NT5E: variants seen among roughly 807,000 people sequenced by gnomAD.
The protein encoded by NT5E is 5'-nucleotidase.
NT5E carries 53 observed loss-of-function variants against 55.1 expected under a neutral mutation model. The observed-to-expected ratio is 0.96, with a 90% CI of 0.77 to 1.21. The LOEUF (loss-of-function observed/expected upper bound fraction) is 1.21. Among genes scored for constraint, NT5E ranks in the 50% most tolerant of loss-of-function variants. The pLI is 0.00. For missense variants in NT5E, 683 were observed against 724.3 expected, an observed-to-expected ratio of 0.94 and a Z score of 0.65; for synonymous variants, 270 against 278.4, an observed-to-expected ratio of 0.97 and a Z score of 0.30.
intron 1 of NT5E, among the ~76,000 whole-genome samples, chr6:85,452,241 G>A (rs534246965): frequency 2.0e-5 from 3 of 152,268 alleles, no homozygotes; most frequent in South Asian, 4.1e-4. Context: ...TATAAACCAC[G>A]ACTTTGTAAA....
rs759707821 is a variant in NT5E at position 85,467,240 on chromosome 6, G to A, written c.520G>A (p.Val174Ile). 141 of 1,614,086 alleles carry A rather than the reference G, an allele frequency of 8.7e-5. No homozygotes were observed. Among genetic ancestry groups the A allele is most frequent in the South Asian group, 1.8e-4 (16 of 91,074 alleles). ...LPVGDEVVGI[V>I]GYTSKETPFL... ...TGTTGGTGATGAAGTTGTGGGAATCGTTGGATACACTTCCAAAGAAACCCC... is the reference window on the plus strand; with the variant it reads ...TGTTGGTGATGAAGTTGTGGGAATCATTGGATACACTTCCAAAGAAACCCC... The change falls in exon 2 of 9, where the codon GTT becomes ATT. Residue 174 changes from valine (V) to isoleucine (I), a missense_variant. Physicochemically the swap from Val to Ile is conservative, Grantham distance 29. Transcript: ENST00000257770.
chr6:85,485,695 A>C (rs1769639573), intron 4 of NT5E, among the ~76,000 whole-genome samples: 1 of 152,210 alleles, frequency 6.6e-6, no homozygotes, highest in African/African-American at 2.4e-5. Context: ...CTTGATCCTG[A>C]CATGCCAAAG....
intron 1 of NT5E, among the ~76,000 whole-genome samples, chr6:85,457,155 G>A (rs1769006663): frequency 6.6e-6 from 1 of 152,284 alleles, no homozygotes; most frequent in South Asian, 2.1e-4. Context: ...TCCGCTTACC[G>A]CTGACAGCTG....
intron 3 of NT5E, among the ~76,000 whole-genome samples, chr6:85,484,619 G>A: frequency 1.3e-5 from 2 of 152,252 alleles, no homozygotes; most frequent in East Asian, 3.9e-4. Flanking sequence ...AGCAGCAAAC[G>A]CCAAGAACAG....
At position 85,492,001 on chromosome 6, in the gene NT5E, C is replaced by T. The variant is rs751789444; in HGVS notation, c.1385C>T (p.Ser462Phe). 1 of 1,614,060 alleles carries T rather than the reference C, an allele frequency of 6.2e-7. No individual in the cohort carries two copies. Among genetic ancestry groups the T allele is most frequent in the Non-Finnish European group, 8.5e-7 (1 of 1,179,950 alleles). Residue 462 changes from serine to phenylalanine, a missense_variant, in exon 8 of 9, where the codon TCC becomes TTC. Transcript: ENST00000257770. The stretch of plus-strand genomic sequence containing the variant: ...GGAATCCATGTGGTGTATGATCTTT[C>T]CCGAAAACCTGGAGACAGAGTAGTC... ...VGGIHVVYDL[S>F]RKPGDRVVKL... is the part of the protein sequence containing the mutation.
At chr6:85,457,950 G>A (rs1403998439) in intron 1 of NT5E, among the ~76,000 whole-genome samples, 1 of 152,144 alleles carries the variant, frequency 6.6e-6, no homozygotes, top group Non-Finnish European at 1.5e-5. Context: ...TAACACCCAT[G>A]CATGGGGATT....
chr6:85,489,229 C>A (rs1323479398), intron 5 of NT5E, among the ~76,000 whole-genome samples: 2 of 152,152 alleles, frequency 1.3e-5, no homozygotes, highest in Non-Finnish European at 2.9e-5. Flanking sequence ...GGGCTACAAC[C>A]GAGAGACCAT....
At chr6:85,451,678 G>A (rs967115742) in intron 1 of NT5E, among the ~76,000 whole-genome samples, 1 of 152,198 alleles carries the variant, frequency 6.6e-6, no homozygotes, top group Non-Finnish European at 1.5e-5. Flanking sequence ...CCACAAGTGT[G>A]GAAGGGAAAG....
chr6:85,484,987 A>T (rs1769619741), intron 3 of NT5E, among the ~76,000 whole-genome samples: 1 of 152,190 alleles, frequency 6.6e-6, no homozygotes, highest in Admixed American at 6.5e-5. Context: ...CAGCACAAGC[A>T]CAATGCCCGG....
chr6:85,477,487 A>G (rs1017474680), intron 3 of NT5E, among the ~76,000 whole-genome samples: 7 of 152,198 alleles, frequency 4.6e-5, no homozygotes, highest in African/African-American at 1.7e-4. Flanking sequence ...TTGCAATATA[A>G]TTATAACTAA....
At chr6:85,479,569 T>C (rs889505961) in intron 3 of NT5E, among the ~76,000 whole-genome samples, 2 of 152,164 alleles carry the variant, frequency 1.3e-5, no homozygotes, top group African/African-American at 4.8e-5. Context: ...ACACACAGCC[T>C]TTCACACAGC....
intron 3 of NT5E, among the ~76,000 whole-genome samples, chr6:85,473,448 G>A (rs1769358811): frequency 6.6e-6 from 1 of 152,142 alleles, no homozygotes; most frequent in African/African-American, 2.4e-5. Flanking sequence ...GCTTTTCACT[G>A]AGGCAGTGTC....
Position 85,493,849 on chromosome 6 carries a change from G to T in NT5E, c.1570G>T (p.Asp524Tyr), listed in dbSNP as rs777310796. ...TGTATATGTTTTTCTAGGTGACCAA[G>T]ATATCAACGTGGTTTCTACATATAT... ...ELLRHDSGDQDINVVSTYISK... is the reference protein window; with the variant it reads ...ELLRHDSGDQYINVVSTYISK... Residue 524 changes from aspartate (D) to tyrosine (Y), a missense_variant, in exon 9 of 9, where the codon GAT (aspartate) becomes TAT (tyrosine). By Grantham distance (160) the Asp-to-Tyr change is radical. Transcript: ENST00000257770. 1 of 1,613,270 alleles carries T rather than the reference G, an allele frequency of 6.2e-7. No individual in the cohort carries two copies. The highest frequency in any genetic ancestry group is 8.5e-7 in the Non-Finnish European group (1 of 1,179,310).
intron 2 of NT5E, among the ~76,000 whole-genome samples, chr6:85,470,092 C>T (rs574842046): frequency 8.5e-5 from 13 of 152,318 alleles, no homozygotes; most frequent in African/African-American, 1.4e-4. Context: ...AGTGTAAGAA[C>T]GTCTGGATCT....
intron 3 of NT5E, among the ~76,000 whole-genome samples, chr6:85,478,026 C>CAAA (rs11433942): frequency 2.9e-5 from 3 of 102,064 alleles, no homozygotes; most frequent in Non-Finnish European, 4.6e-5. Context: ...GACCTTGTCT[C>CAAA]AAAAAAAAAA....
intron 1 of NT5E, among the ~76,000 whole-genome samples, chr6:85,466,785 T>C (rs1769203257): frequency 6.6e-6 from 1 of 152,144 alleles, no homozygotes; most frequent in South Asian, 2.1e-4. Flanking sequence ...CATTCAAACC[T>C]GCCCCCAATC....
chr6:85,451,414 G>GTTTC, intron 1 of NT5E, among the ~76,000 whole-genome samples: 1 of 152,098 alleles, frequency 6.6e-6, no homozygotes. Flanking sequence ...TAGGTTAAAG[G>GTTTC]TAATGCCTTT....
chr6:85,460,930 C>T (rs996790177), intron 1 of NT5E, among the ~76,000 whole-genome samples: 1 of 152,194 alleles, frequency 6.6e-6, no homozygotes, highest in Non-Finnish European at 1.5e-5. Context: ...AGTGGATATC[C>T]TGCGGTCTTC....
intron 7 of NT5E, 21 bp downstream of exon 7, chr6:85,490,678 G>A (rs562252393): frequency 6.2e-7 from 1 of 1,612,236 alleles, no homozygotes; most frequent in South Asian, 1.1e-5. Context: ...CATCCTGTAG[G>A]GCTGGCCCAT....
Sources: allele counts gnomAD v4.1 joint callset (sites outside exome capture counted in the v4.1 genomes callset), GRCh38; gene constraint gnomAD v4.1.1; transcripts MANE v1.5; gene names NCBI Gene and HGNC (gene_info 2026-07-23, HGNC 2026-07-21).